The following DLG2 variants were observed in gnomAD, a reference collection of about 807,000 sequenced individuals.
DLG2 encodes the protein disks large homolog 2.
DLG2 carries 45 observed loss-of-function variants against 132.5 expected under a neutral mutation model. The ratio of observed to expected loss-of-function variants is 0.34; its 90% CI spans 0.27 to 0.44. The LOEUF is 0.44. Among genes scored for constraint, DLG2 ranks in the 20% least tolerant of loss-of-function variants. The pLI is 1.00. For synonymous variants in DLG2, 424 were observed against 419.6 expected (o/e 1.01, Z -0.13); for missense variants, 1,045 against 1,196.9 (o/e 0.87, Z 1.87).
At chr11:83,667,304 A>G (rs2075807871) in intron 18 of DLG2, among the ~76,000 whole-genome samples, 1 of 152,142 alleles carries the variant, frequency 6.6e-6, no homozygotes, top group East Asian at 1.9e-4. Flanking sequence ...ACTCTGTCCT[A>G]CCTACGCTTA....
chr11:83,906,352 A>C (rs996464002), intron 15 of DLG2, among the ~76,000 whole-genome samples: 2 of 147,798 alleles, frequency 1.4e-5, no homozygotes, highest in Non-Finnish European at 1.5e-5. Context: ...GATTACCAGC[A>C]CCAGCCACCA....
At chr11:84,973,033 C>T (rs1592058695) in intron 6 of DLG2, among the ~76,000 whole-genome samples, 1 of 151,674 alleles carries the variant, frequency 6.6e-6, no homozygotes, top group East Asian at 1.9e-4. Context: ...TCTCAGCTCA[C>T]TGCAATCTCC....
At chr11:84,228,863 T>C (rs1414600771) in intron 8 of DLG2, among the ~76,000 whole-genome samples, 1 of 152,222 alleles carries the variant, frequency 6.6e-6, no homozygotes, top group African/African-American at 2.4e-5. Flanking sequence ...GCTTCAACTT[T>C]AGCTTCAGTG....
At chr11:83,953,385 C>T (rs1050619393) in intron 14 of DLG2, among the ~76,000 whole-genome samples, 2 of 152,112 alleles carry the variant, frequency 1.3e-5, no homozygotes, top group African/African-American at 2.4e-5. Flanking sequence ...CTCAAAGGAG[C>T]GAACCCTACT....
intron 6 of DLG2, among the ~76,000 whole-genome samples, chr11:84,958,621 G>A (rs954497352): frequency 2.6e-5 from 4 of 152,114 alleles, no homozygotes; most frequent in African/African-American, 4.8e-5. Flanking sequence ...CGTGTCTTAG[G>A]GGAAGTAGGA....
chr11:85,231,684 T>C (rs946315405), intron 4 of DLG2, among the ~76,000 whole-genome samples: 1 of 151,918 alleles, frequency 6.6e-6, no homozygotes, highest in African/African-American at 2.4e-5. Flanking sequence ...TACTAGCACA[T>C]TAGCTTTATC....
At chr11:83,689,867 CTTAATATT>C (rs1248590988) in intron 18 of DLG2, among the ~76,000 whole-genome samples, 28 of 146,944 alleles carry the variant, frequency 1.9e-4, no homozygotes, top group Non-Finnish European at 3.0e-5. Flanking sequence ...CACCCATTAT[CTTAATATT>C]TACATAATTG....
intron 6 of DLG2, among the ~76,000 whole-genome samples, chr11:84,945,565 T>TA (rs778039616): frequency 7.2e-5 from 11 of 152,140 alleles, no homozygotes; most frequent in Non-Finnish European, 1.6e-4. Flanking sequence ...ACTGACTGGT[T>TA]ACCACCGATG....
chr11:84,107,037 G>A (rs188782654), intron 9 of DLG2, among the ~76,000 whole-genome samples: 2 of 138,544 alleles, frequency 1.4e-5, no homozygotes, highest in African/African-American at 5.3e-5. Context: ...CCTTAGGGGA[G>A]ATATGTGGCA....
rs552267560 is a variant in DLG2, at chr11:85,365,840, AC to A, written c.41-80476del. On this transcript the variant is annotated intron_variant, in intron 3 of 27. Transcript: ENST00000376104. The stretch of plus-strand genomic sequence containing the variant: ...CAGCAAACTAACACAGGAACAGAAA[AC>A]AAAACACCCCATGTTCTCACTCATA... 1.7e-3 allele frequency among the ~76,000 whole-genome samples: 264 copies of A among 152,316 alleles called. 1 individual carries two copies. Among genetic ancestry groups the A allele is most frequent in the African/African-American group, 6.1e-3 (253 of 41,574 alleles).
At chr11:83,995,538 C>A (rs1485674968) in intron 11 of DLG2, among the ~76,000 whole-genome samples, 1 of 152,084 alleles carries the variant, frequency 6.6e-6, no homozygotes, top group Non-Finnish European at 1.5e-5. Context: ...AAAAAAAGAA[C>A]AAAACTGGAA....
intron 6 of DLG2, among the ~76,000 whole-genome samples, chr11:84,920,384 T>A (rs985529255): frequency 5.3e-5 from 8 of 152,192 alleles, no homozygotes; most frequent in Admixed American, 6.5e-5. Flanking sequence ...AGATTCAACT[T>A]AAAAGTGACC....
chr11:85,306,314 C>G (rs904711733), intron 3 of DLG2, among the ~76,000 whole-genome samples: 3 of 152,118 alleles, frequency 2.0e-5, no homozygotes, highest in African/African-American at 4.8e-5. Flanking sequence ...ACTTTGGATA[C>G]AGCAAAGAGA....
chr11:84,618,047 A>C (rs911914422), intron 6 of DLG2, among the ~76,000 whole-genome samples: 1 of 152,140 alleles, frequency 6.6e-6, no homozygotes, highest in African/African-American at 2.4e-5. Context: ...CTGTGCACTG[A>C]AACTTAAACG....
At chr11:85,259,600 C>T (rs957668171) in intron 4 of DLG2, among the ~76,000 whole-genome samples, 5 of 151,762 alleles carry the variant, frequency 3.3e-5, no homozygotes, top group South Asian at 2.1e-4. Flanking sequence ...TTTTGGGGTG[C>T]TATGAAGGCC....
At chr11:84,130,850 T>C (rs2094393386) in intron 9 of DLG2, among the ~76,000 whole-genome samples, 2 of 151,424 alleles carry the variant, frequency 1.3e-5, no homozygotes, top group African/African-American at 4.8e-5. Flanking sequence ...GAGAAGTATC[T>C]CATTGAAAGT....
At chr11:83,830,019 A>C (rs1384564758) in intron 17 of DLG2, among the ~76,000 whole-genome samples, 1 of 152,078 alleles carries the variant, frequency 6.6e-6, no homozygotes, top group African/African-American at 2.4e-5. Context: ...TCCTTGCGAT[A>C]GTTTGCTGAG....
Position 84,179,989 on chromosome 11 carries a change from T to C in DLG2, c.574-16478A>G, listed in dbSNP as rs534230834. 7.9e-5 allele frequency among the ~76,000 whole-genome samples: 12 copies of C among 152,238 alleles called. 1 individual carries two copies. In the East Asian group the frequency reaches 2.3e-3, roughly 29 times the overall value. ...ATTCAAAACAGCTCCTTTTATTCAG[T>C]TCATTATGTCATTTTAAATAAAAAA... On this transcript the variant is annotated intron_variant, in intron 8 of 27. Transcript: ENST00000376104.
At chr11:84,608,850 G>A (rs1014399247) in intron 6 of DLG2, among the ~76,000 whole-genome samples, 2 of 152,178 alleles carry the variant, frequency 1.3e-5, no homozygotes, top group African/African-American at 4.8e-5. Context: ...CAAGTGCTAT[G>A]TAAATGTTTA....
Sources: allele counts gnomAD v4.1 joint callset (sites outside exome capture counted in the v4.1 genomes callset), GRCh38; gene constraint gnomAD v4.1.1; transcripts MANE v1.5; gene names NCBI Gene and HGNC (gene_info 2026-07-23, HGNC 2026-07-21).